The following CCL28 variants were observed in gnomAD, a reference collection of about 807,000 sequenced individuals.
CCL28 encodes the protein C-C motif chemokine ligand 28.
Under a neutral mutation model 7.1 loss-of-function variants are expected in CCL28, and 4 were observed. The observed-to-expected ratio is 0.56, with a 90% CI of 0.28 to 1.29. CCL28 has a LOEUF of 1.29. CCL28 is among the 50% of genes most tolerant of loss of function. CCL28 has a pLI of 0.11. For synonymous variants in CCL28, 55 were observed against 57.8 expected (o/e 0.95, Z 0.22); for missense variants, 151 against 163.4 (o/e 0.92, Z 0.41).
chr5:43,406,170 C>T (rs1741268366), intron 1 of CCL28, among the ~76,000 whole-genome samples: 1 of 152,140 alleles, frequency 6.6e-6, no homozygotes, highest in African/African-American at 2.4e-5. Context: ...ATCCTGATAC[C>T]AAAGCCTGAC....
At chr5:43,401,380 AGAGTGGTCAGGGGATAGTCTTGAAG>A (rs1561165464) in intron 1 of CCL28, among the ~76,000 whole-genome samples, 1 of 152,210 alleles carries the variant, frequency 6.6e-6, no homozygotes, top group Non-Finnish European at 1.5e-5. Context: ...TACAGACACT[AGAGTGGTCAGGGGATAGTCTTGAAG>A]GGGTTTGGAT....
intron 1 of CCL28, among the ~76,000 whole-genome samples, chr5:43,399,989 G>T (rs1014352090): frequency 1.6e-4 from 24 of 152,054 alleles, no homozygotes; most frequent in African/African-American, 5.3e-4. Flanking sequence ...CGGACTACAG[G>T]TGCACCCCAC....
chr5:43,396,378 TATGTC>T (rs1352000979), intron 1 of CCL28, among the ~76,000 whole-genome samples: 9 of 152,232 alleles, frequency 5.9e-5, no homozygotes, highest in African/African-American at 2.2e-4. Flanking sequence ...TGTGCTGACC[TATGTC>T]ATCCTGTGAC....
chr5:43,378,416 G>C (rs1433420876), downstream of CCL28, among the ~76,000 whole-genome samples: 1 of 151,938 alleles, frequency 6.6e-6, no homozygotes, highest in Admixed American at 6.6e-5. Context: ...AGGGTGGGAG[G>C]ATGTTATTTT....
chr5:43,408,309 A>G (rs1011319805), intron 1 of CCL28, among the ~76,000 whole-genome samples: 4 of 152,240 alleles, frequency 2.6e-5, no homozygotes, highest in Non-Finnish European at 5.9e-5. Flanking sequence ...CTAGGCAGCC[A>G]TAAAAAAGGA....
the CCL28 span, among the ~76,000 whole-genome samples, chr5:43,368,679 C>T: frequency 1.3e-5 from 2 of 152,098 alleles, no homozygotes; most frequent in Non-Finnish European, 2.9e-5. Flanking sequence ...GGGCCCTAAT[C>T]CAGTATGACT....
At chr5:43,377,787 C>T (rs1739945163), downstream of CCL28, among the ~76,000 whole-genome samples, 1 of 113,332 alleles carries the variant, frequency 8.8e-6, no homozygotes, top group South Asian at 3.2e-4. Flanking sequence ...GGCTGGAGTG[C>T]AGTGGCGCAA....
intron 1 of CCL28, among the ~76,000 whole-genome samples, chr5:43,394,625 ATTAT>A (rs1207348813): frequency 2.6e-5 from 4 of 152,140 alleles, no homozygotes; most frequent in African/African-American, 9.7e-5. Flanking sequence ...AATTCTATTG[ATTAT>A]TTAATGTTGC....
chr5:43,357,963 C>G, the CCL28 span, among the ~76,000 whole-genome samples: 1 of 152,248 alleles, frequency 6.6e-6, no homozygotes, highest in African/African-American at 2.4e-5. Context: ...GGCCTTGTTT[C>G]TGCTGCCCTG....
the CCL28 span, among the ~76,000 whole-genome samples, chr5:43,369,175 C>T: frequency 6.6e-6 from 1 of 152,004 alleles, no homozygotes; most frequent in African/African-American, 2.4e-5. Flanking sequence ...AGAAGCAAAT[C>T]ACTAGGTTCA....
chr5:43,373,165 A>T (rs1370363105), downstream of CCL28, among the ~76,000 whole-genome samples: 1 of 152,146 alleles, frequency 6.6e-6, no homozygotes, highest in Non-Finnish European at 1.5e-5. Context: ...TAATACCCAC[A>T]TGTGGAATTT....
At chr5:43,402,901 C>A (rs1291953444) in intron 1 of CCL28, among the ~76,000 whole-genome samples, 3 of 152,234 alleles carry the variant, frequency 2.0e-5, no homozygotes, top group South Asian at 2.1e-4. Flanking sequence ...ACCCACAGAG[C>A]CTCGCTCACT....
the CCL28 span, among the ~76,000 whole-genome samples, chr5:43,358,340 G>T: frequency 6.6e-6 from 1 of 152,120 alleles, no homozygotes; most frequent in Admixed American, 6.6e-5. Context: ...GACAGAAAAG[G>T]TCATAAAAAA....
intron 1 of CCL28, among the ~76,000 whole-genome samples, chr5:43,396,639 G>A (rs1238922645): frequency 6.6e-6 from 1 of 152,066 alleles, no homozygotes; most frequent in Non-Finnish European, 1.5e-5. Context: ...TATTATAATG[G>A]GTGGGGTACA....
intron 1 of CCL28, among the ~76,000 whole-genome samples, chr5:43,411,747 A>G (rs1223095513): frequency 3.3e-5 from 5 of 152,160 alleles, no homozygotes; most frequent in Admixed American, 3.3e-4. Flanking sequence ...CTCCCTTTTT[A>G]AAGGTCAGAC....
At chr5:43,384,075 A>T (rs1422731226) in intron 2 of CCL28, 3 of 155,856 alleles carry the variant, frequency 1.9e-5, no homozygotes, top group Non-Finnish European at 2.9e-5. Flanking sequence ...GGACAACAAG[A>T]GGGAAACTCC....
chr5:43,358,189 T>G, the CCL28 span, among the ~76,000 whole-genome samples: 1 of 152,218 alleles, frequency 6.6e-6, no homozygotes, highest in Admixed American at 6.5e-5. Flanking sequence ...AGTGCTCAAG[T>G]GTGTCAAAAG....
Position 43,387,779 on chromosome 5 carries a change from C to T in CCL28, c.191+571G>A, listed in dbSNP as rs369210604. On this transcript the variant is annotated intron_variant, in intron 2 of 2. Coordinates refer to ENST00000361115, the MANE Select transcript of CCL28 (RefSeq NM_148672.3). ...TAGCTGGGACTACAGGTGCATGCCA[C>T]CATGCCTGGCTAGTTTTAAAGTTTT... Among the ~76,000 whole-genome samples, 37 of 152,226 alleles carry T rather than the reference C, an allele frequency of 2.4e-4. 1 individual carries two copies. Among genetic ancestry groups the T allele is most frequent in the African/African-American group, 8.9e-4 (37 of 41,544 alleles).
downstream of CCL28, among the ~76,000 whole-genome samples, chr5:43,371,686 G>A (rs779597128): frequency 6.6e-6 from 1 of 152,164 alleles, no homozygotes; most frequent in South Asian, 2.1e-4. Flanking sequence ...TCATGAGAGA[G>A]CCTGAGCCAA....
Sources: gnomAD v4.1 joint callset for allele counts (sites outside exome capture counted in the v4.1 genomes callset) on GRCh38, gnomAD v4.1.1 for gene constraint, MANE v1.5 for transcripts, NCBI Gene and HGNC (gene_info 2026-07-23, HGNC 2026-07-21) for gene names.